Variants in LRMDA observed in about 807,000 individuals in gnomAD.
LRMDA encodes leucine-rich melanocyte differentiation-associated protein.
In LRMDA, 18 loss-of-function variants were observed where a neutral mutation model predicts 29.8. The observed-to-expected ratio is 0.60, with a 90% CI of 0.42 to 0.90. The LOEUF (loss-of-function observed/expected upper bound fraction) is 0.90. Ranked by LOEUF, LRMDA falls within the 40% of genes least tolerant of loss-of-function variation. The pLI is 0.00. For missense variants in LRMDA, 273 were observed against 273.9 expected, an observed-to-expected ratio of 1.00 and a Z score of 0.02; for synonymous variants, 125 against 109.4, an observed-to-expected ratio of 1.14 and a Z score of -0.89.
chr10:76,158,005 G>A (rs1230778574), intron 5 of LRMDA, among the ~76,000 whole-genome samples: 1 of 152,050 alleles, frequency 6.6e-6, no homozygotes, highest in Non-Finnish European at 1.5e-5. Flanking sequence ...AGTAAAATAC[G>A]ATATTATAAT....
At chr10:75,692,213 A>C (rs1842168213) in intron 2 of LRMDA, among the ~76,000 whole-genome samples, 1 of 43,682 alleles carries the variant, frequency 2.3e-5, no homozygotes, top group Admixed American at 3.1e-4. Context: ...GGGGGGAAAA[A>C]AAAAAAATAT....
intron 2 of LRMDA, among the ~76,000 whole-genome samples, chr10:75,440,310 A>G (rs1297915046): frequency 6.6e-6 from 1 of 150,694 alleles, no homozygotes; most frequent in Non-Finnish European, 1.5e-5. Context: ...TCCTTTGTTG[A>G]GAGGAGAGAC....
intron 6 of LRMDA, among the ~76,000 whole-genome samples, chr10:76,382,410 A>T (rs960689811): frequency 2.0e-5 from 3 of 152,168 alleles, no homozygotes; most frequent in African/African-American, 7.2e-5. Context: ...CTTGGTGGCC[A>T]TCGTATTGCA....
chr10:75,673,303 A>G (rs954626857), intron 2 of LRMDA, among the ~76,000 whole-genome samples: 16 of 152,228 alleles, frequency 1.1e-4, no homozygotes, highest in Non-Finnish European at 2.1e-4. Context: ...TAAAAACTGC[A>G]TAGGTCTAGC....
intron 5 of LRMDA, among the ~76,000 whole-genome samples, chr10:76,220,853 A>T (rs75939157): frequency 0.14 from 21,751 of 152,108 alleles, 2,096 homozygotes; most frequent in East Asian, 0.4. Context: ...CTTGATGAAC[A>T]TTGATGCAAA....
At chr10:75,447,050 G>C (rs1417195986) in intron 2 of LRMDA, among the ~76,000 whole-genome samples, 1 of 152,224 alleles carries the variant, frequency 6.6e-6, no homozygotes, top group Non-Finnish European at 1.5e-5. Context: ...GAGCAGAAGA[G>C]GTGATGGTAG....
intron 2 of LRMDA, among the ~76,000 whole-genome samples, chr10:75,525,510 A>G (rs1845403114): frequency 1.3e-5 from 2 of 152,180 alleles, no homozygotes; most frequent in South Asian, 2.1e-4. Context: ...TAATGCAAAC[A>G]GCTTAACTGA....
chr10:75,568,442 G>A (rs192175502), intron 2 of LRMDA, among the ~76,000 whole-genome samples: 42 of 152,256 alleles, frequency 2.8e-4, no homozygotes, highest in Admixed American at 3.9e-4. Flanking sequence ...GGCTGTGTTC[G>A]TAAAATTAAA....
At chr10:75,939,047 G>A (rs192231804) in intron 2 of LRMDA, among the ~76,000 whole-genome samples, 1 of 152,288 alleles carries the variant, frequency 6.6e-6, no homozygotes, top group East Asian at 1.9e-4. Context: ...GGCCGCAAAC[G>A]ATGAATTAGC....
rs71024602 is a variant in LRMDA, at chr10:76,517,939, C to CATATAT, written c.602-39257_602-39252dup. On this transcript the variant is annotated intron_variant, in intron 6 of 6. Coordinates refer to ENST00000611255, the MANE Select transcript of LRMDA (RefSeq NM_001305581.2). ...AAGCAGAGAAATATATATATATAAACATATATATATATATATATGTAATCA... is the reference window on the plus strand; with the variant it reads ...AAGCAGAGAAATATATATATATAAACATATATATATATATATATATATATGTAATCA... Among the ~76,000 whole-genome samples, 555 of 144,254 alleles carry CATATAT rather than the reference C, an allele frequency of 3.8e-3. 4 individuals carry two copies. Among genetic ancestry groups the CATATAT allele is most frequent in the African/African-American group, 0.011 (440 of 39,646 alleles). The allele number at this position is 144,254 out of a possible 152,430, so 94.6% of individuals were successfully genotyped here. A position where few individuals can be genotyped will look rare whatever the true frequency, so the allele number is the denominator to read the frequency against.
intron 2 of LRMDA, among the ~76,000 whole-genome samples, chr10:75,650,979 C>T (rs1243378629): frequency 6.6e-6 from 1 of 152,168 alleles, no homozygotes; most frequent in Non-Finnish European, 1.5e-5. Context: ...CTCTTTGTGT[C>T]ATTCACATTG....
intron 5 of LRMDA, among the ~76,000 whole-genome samples, chr10:76,065,701 T>C (rs1238868238): frequency 6.6e-6 from 1 of 152,246 alleles, no homozygotes; most frequent in Non-Finnish European, 1.5e-5. Context: ...AGAAGTGTGG[T>C]AGATTGCATT....
At chr10:76,266,833 A>G (rs1258792762) in intron 5 of LRMDA, among the ~76,000 whole-genome samples, 1 of 152,200 alleles carries the variant, frequency 6.6e-6, no homozygotes, top group African/African-American at 2.4e-5. Context: ...CTTAATTTCA[A>G]AATTTCACAA....
At chr10:76,045,068 G>A (rs865898315) in intron 3 of LRMDA, among the ~76,000 whole-genome samples, 1 of 137,034 alleles carries the variant, frequency 7.3e-6, no homozygotes, top group African/African-American at 2.8e-5. Context: ...CCCCTCCTTT[G>A]TTAGTTTCCC....
intron 2 of LRMDA, among the ~76,000 whole-genome samples, chr10:75,838,847 A>G (rs191128378): frequency 4.6e-5 from 7 of 152,370 alleles, no homozygotes; most frequent in Admixed American, 4.6e-4. Context: ...TAAATACTGC[A>G]TTGTGTGACA....
intron 5 of LRMDA, among the ~76,000 whole-genome samples, chr10:76,241,217 A>T (rs922531588): frequency 4.6e-5 from 7 of 152,162 alleles, no homozygotes; most frequent in Non-Finnish European, 1.0e-4. Context: ...TAAAGACCTT[A>T]TTCATGTAAC....
intron 2 of LRMDA, among the ~76,000 whole-genome samples, chr10:75,740,223 T>C (rs527655670): frequency 2.2e-4 from 34 of 152,296 alleles, no homozygotes; most frequent in African/African-American, 7.5e-4. Context: ...CCCCTGTAGA[T>C]GATGGAGGTG....
chr10:75,895,609 A>G lies in LRMDA; in HGVS notation c.132-140399A>G, dbSNP rs539716865. On this transcript the variant is annotated intron_variant, in intron 2 of 6. Coordinates refer to ENST00000611255, the MANE Select transcript of LRMDA (RefSeq NM_001305581.2). The stretch of plus-strand genomic sequence containing the variant: ...TTGGCAGTGATAAGTGGAAGTGGAA[A>G]TAGAGATACATGACATAAAGAGTAA... Among the ~76,000 whole-genome samples, 20 of 152,324 alleles carry G rather than the reference A, an allele frequency of 1.3e-4. No individual in the cohort carries two copies. The South Asian group carries it at 3.9e-3, about 30-fold the overall frequency.
chr10:75,971,290 T>C (rs1186412383), intron 2 of LRMDA, among the ~76,000 whole-genome samples: 1 of 152,188 alleles, frequency 6.6e-6, no homozygotes, highest in Non-Finnish European at 1.5e-5. Context: ...CGTCTGCTGT[T>C]TTCCCTTCTC....
Sources: gnomAD v4.1 joint callset for allele counts (sites outside exome capture counted in the v4.1 genomes callset) on GRCh38, gnomAD v4.1.1 for gene constraint, MANE v1.5 for transcripts, NCBI Gene and HGNC (gene_info 2026-07-23, HGNC 2026-07-21) for gene names.